Variants in SLC15A5 observed in about 807,000 individuals in gnomAD.
SLC15A5 encodes the protein solute carrier family 15 member 5.
A neutral mutation model predicts 56.1 loss-of-function variants in SLC15A5; 58 were observed. That is an observed-to-expected ratio of 1.03 (90% CI 0.84 to 1.29). The LOEUF is 1.29. Ranked by LOEUF, SLC15A5 falls within the 50% of genes most tolerant of loss-of-function variation. The pLI, the probability that SLC15A5 is intolerant of heterozygous loss-of-function variation, is 0.00. For missense variants in SLC15A5, 681 were observed against 672.1 expected, an observed-to-expected ratio of 1.01 and a Z score of -0.15; for synonymous variants, 264 against 250.5, an observed-to-expected ratio of 1.05 and a Z score of -0.51.
intron 5 of SLC15A5, among the ~76,000 whole-genome samples, chr12:16,236,246 T>A (rs189414303): frequency 2.0e-5 from 3 of 152,226 alleles, no homozygotes; most frequent in African/African-American, 7.2e-5. Flanking sequence ...CTAAAAAAAA[T>A]ATAAAATGAA....
chr12:16,244,780 C>G lies in SLC15A5; in HGVS notation c.775G>C (p.Val259Leu). 1 of 1,537,796 alleles carries G rather than the reference C, an allele frequency of 6.5e-7. No homozygotes were observed. Residue 259 changes from valine to leucine, a missense_variant, in exon 4 of 9, where the codon GTT (valine) becomes CTT (leucine). Coordinates refer to ENST00000344941, the MANE Select transcript of SLC15A5 (RefSeq NM_001170798.1). ...TTCAGTGCACTAACCAACACCCCAA[C>G]GCCTGTCAGGAGAGAACAACCTGCA... ...SEKRCSLLTG[V>L]GVLVSALKTC...
intron 2 of SLC15A5, among the ~76,000 whole-genome samples, chr12:16,258,677 A>G (rs1193142072): frequency 6.6e-6 from 1 of 151,902 alleles, no homozygotes; most frequent in Non-Finnish European, 1.5e-5. Flanking sequence ...ACTATCATTA[A>G]AATTTTAGAT....
intron 5 of SLC15A5, among the ~76,000 whole-genome samples, chr12:16,239,428 T>C (rs1319292711): frequency 3.9e-5 from 6 of 152,222 alleles, no homozygotes; most frequent in Admixed American, 1.3e-4. Context: ...TTGGTAGTGC[T>C]GGAAATTTCA....
At chr12:16,220,114 A>C (rs961290831) in intron 6 of SLC15A5, among the ~76,000 whole-genome samples, 2 of 152,172 alleles carry the variant, frequency 1.3e-5, no homozygotes, top group Middle Eastern at 3.2e-3. Context: ...GTTATTTTGA[A>C]CATGTGGAGA....
At chr12:16,266,007 C>G (rs894179858) in intron 2 of SLC15A5, among the ~76,000 whole-genome samples, 1 of 151,964 alleles carries the variant, frequency 6.6e-6, no homozygotes, top group African/African-American at 2.4e-5. Context: ...ACAAACACAA[C>G]GTAAAAAAAC....
chr12:16,272,025 CT>C, intron 2 of SLC15A5, among the ~76,000 whole-genome samples: 1 of 152,106 alleles, frequency 6.6e-6, no homozygotes, highest in South Asian at 2.1e-4. Context: ...CTGCATTGGC[CT>C]AGAAATTTAT....
intron 8 of SLC15A5, among the ~76,000 whole-genome samples, chr12:16,190,213 A>G (rs1054911445): frequency 1.2e-4 from 18 of 152,184 alleles, no homozygotes; most frequent in African/African-American, 4.3e-4. Context: ...GAAGGAGTCT[A>G]TGAATATATT....
At chr12:16,239,627 G>A in intron 5 of SLC15A5, 54 bp downstream of exon 5, 1 of 1,480,050 alleles carries the variant, frequency 6.8e-7, no homozygotes. Flanking sequence ...TTAGCAGAAT[G>A]TTGTTTTAAA....
rs925321449 is a variant in SLC15A5, at chr12:16,189,592, A to G, written c.*76T>C. 7.7e-7 allele frequency: 1 copy of G among 1,294,816 alleles called. No homozygotes were observed. The highest frequency in any genetic ancestry group is 1.5e-5 in the African/African-American group (1 of 67,286). The allele number at this position is 1,294,816 out of a possible 1,614,324, so 80.2% of individuals were successfully genotyped here. On this transcript the variant is annotated 3_prime_UTR_variant, in exon 9 of 9. Transcript: ENST00000344941. ...TCTGTATATATTGGCTTTTACACTA[A>G]AACACATAAAATGCTCAACTGAAGA...
rs118186577 is a variant in SLC15A5, at chr12:16,260,306, C to T, written c.585-2436G>A. ...CCCCACTGATAACAAAAAGAAAACC[C>T]AGGAAATTCATTATTGTCCTTCCTC... On this transcript the variant is annotated intron_variant, in intron 2 of 8. Coordinates refer to ENST00000344941, the MANE Select transcript of SLC15A5 (RefSeq NM_001170798.1). Among the ~76,000 whole-genome samples, 604 of 152,206 alleles carry T rather than the reference C, an allele frequency of 4.0e-3. 3 individuals carry two copies. The highest frequency in any genetic ancestry group is 0.014 in the Middle Eastern group (4 of 294).
intron 5 of SLC15A5, among the ~76,000 whole-genome samples, chr12:16,232,826 G>T (rs1165888824): frequency 1.3e-5 from 2 of 152,112 alleles, no homozygotes; most frequent in African/African-American, 2.4e-5. Flanking sequence ...TGAGGCACAA[G>T]AATTGCTTGA....
intron 3 of SLC15A5, among the ~76,000 whole-genome samples, chr12:16,251,083 T>A (rs1864514269): frequency 6.6e-6 from 1 of 151,942 alleles, no homozygotes. Flanking sequence ...CAACCTATTC[T>A]TAACAAATTG....
At chr12:16,215,538 T>A (rs1296879632) in intron 7 of SLC15A5, among the ~76,000 whole-genome samples, 2 of 152,198 alleles carry the variant, frequency 1.3e-5, no homozygotes, top group Non-Finnish European at 1.5e-5. Context: ...TTAATGCCAG[T>A]GCTTTGTCTC....
chr12:16,229,487 A>G (rs959144257), intron 5 of SLC15A5, among the ~76,000 whole-genome samples: 3 of 152,134 alleles, frequency 2.0e-5, no homozygotes, highest in African/African-American at 7.2e-5. Flanking sequence ...CACTATACTT[A>G]CTACAATTTG....
chr12:16,193,634 T>C (rs1381439887), intron 8 of SLC15A5, among the ~76,000 whole-genome samples: 1 of 151,950 alleles, frequency 6.6e-6, no homozygotes, highest in Non-Finnish European at 1.5e-5. Context: ...TTCTGCTTCG[T>C]GACAGACATT....
At chr12:16,211,525 C>T (rs1055404281) in intron 7 of SLC15A5, among the ~76,000 whole-genome samples, 8 of 152,092 alleles carry the variant, frequency 5.3e-5, no homozygotes, top group East Asian at 3.9e-4. Context: ...TATTTTGCTT[C>T]GGATCTTTCA....
At chr12:16,248,564 C>T (rs1864486191) in intron 3 of SLC15A5, among the ~76,000 whole-genome samples, 1 of 152,088 alleles carries the variant, frequency 6.6e-6, no homozygotes, top group Non-Finnish European at 1.5e-5. Context: ...AGGAACTATA[C>T]AATAATCTGT....
intron 7 of SLC15A5, among the ~76,000 whole-genome samples, chr12:16,215,031 C>T (rs1048496324): frequency 4.0e-5 from 6 of 151,728 alleles, no homozygotes; most frequent in Non-Finnish European, 8.8e-5. Flanking sequence ...GATGAAATCT[C>T]ATCTCTACTA....
rs1483232451 is a variant in SLC15A5 at position 16,272,912 on chromosome 12, G to A, written c.362-129C>T. 8.5e-6 allele frequency: 7 copies of A among 821,046 alleles called. No homozygotes were observed. The Admixed American group carries it at 1.3e-4, about 16-fold the overall frequency. 50.9% of individuals were successfully genotyped at this position (821,046 alleles called of 1,614,324 possible). ...TTGTCTTATCCAAACATTTATGGTA[G>A]TCATTGCAATTTCAGGGATAGCCTG... is the stretch of plus-strand genomic sequence containing the variant. On this transcript the variant is annotated intron_variant, in intron 1 of 8. Coordinates refer to ENST00000344941, the MANE Select transcript of SLC15A5 (RefSeq NM_001170798.1).
Sources: allele counts gnomAD v4.1 joint callset (sites outside exome capture counted in the v4.1 genomes callset), GRCh38; gene constraint gnomAD v4.1.1; transcripts MANE v1.5; gene names NCBI Gene and HGNC (gene_info 2026-07-23, HGNC 2026-07-21).